Variants in LIMCH1 observed in about 807,000 individuals in gnomAD.
LIMCH1 encodes LIM and calponin homology domains-containing protein 1.
A neutral mutation model predicts 176.5 loss-of-function variants in LIMCH1; 113 were observed. That is an observed-to-expected ratio of 0.64 (90% CI 0.55 to 0.75). The LOEUF (loss-of-function observed/expected upper bound fraction) is 0.75. Among genes scored for constraint, LIMCH1 ranks in the 30% least tolerant of loss-of-function variants. The pLI is 0.00. For missense variants in LIMCH1, 1,674 were observed against 1,814.9 expected, an observed-to-expected ratio of 0.92 and a Z score of 1.41; for synonymous variants, 619 against 645.9, an observed-to-expected ratio of 0.96 and a Z score of 0.63.
Position 41,508,333 on chromosome 4 carries a change from C to T in LIMCH1, c.167+13727C>T, listed in dbSNP as rs529967661. 2.0e-5 allele frequency among the ~76,000 whole-genome samples: 3 copies of T among 152,264 alleles called. No homozygotes were observed. In the South Asian group the frequency reaches 6.2e-4, roughly 32 times the overall value. On this transcript the variant is annotated intron_variant, in intron 2 of 26. Transcript: ENST00000313860. Reference sequence around the variant, plus strand: ...AAGACAAAAAATAATTTTGGTGTTTCAGTTGAGTGGGGTCCTGATACAAGC... The same window carrying T: ...AAGACAAAAAATAATTTTGGTGTTTTAGTTGAGTGGGGTCCTGATACAAGC...
chr4:41,491,893 G>A (rs2071114329), intron 1 of LIMCH1, among the ~76,000 whole-genome samples: 1 of 151,236 alleles, frequency 6.6e-6, no homozygotes, highest in African/African-American at 2.4e-5. Context: ...GGGGCAGCCG[G>A]GCAGAGGCAC....
rs866310244 is a variant in LIMCH1, at chr4:41,495,195, T to C, written c.167+589T>C. The stretch of plus-strand genomic sequence containing the variant: ...AAAATAAGCAGAGCCTTCGTACTTA[T>C]AAAGACATATATTTCAAGATTTATG... On this transcript the variant is annotated intron_variant, in intron 2 of 26. Coordinates refer to the LIMCH1 transcript ENST00000313860. Among the ~76,000 whole-genome samples the C allele has an allele frequency of 2.0e-5, 3 of 152,352 alleles. No individual in the cohort carries two copies. The South Asian group carries it at 6.2e-4, about 32-fold the overall frequency.
In LIMCH1 at chr4:41,631,233, C is replaced by T. The variant is rs1054578972; in HGVS notation, c.1357C>T (p.Arg453Cys). The change falls in exon 10 of 32, where the codon CGC becomes TGC. Residue 453 changes from arginine (R) to cysteine (C), a missense_variant. By Grantham distance (180) the Arg-to-Cys change is radical. Around this residue, in one of 3 missense-constraint regions of LIMCH1, gnomAD observed 655 missense variants for 692.2 expected, o/e 0.95. Coordinates refer to ENST00000503057, the MANE Select transcript of LIMCH1 (RefSeq NM_001330672.2). ...ETAIRDDFAN[R>C]KARASKKASS... ...TGCCATTCGTGATGACTTTGCCAAC[C>T]GCAAAGCAAGGGCCTCTAAGAAAGC... 8.5e-6 allele frequency: 13 copies of T among 1,535,956 alleles called. No individual in the cohort carries two copies. In the Admixed American group the frequency reaches 9.8e-5, roughly 12 times the overall value.
At chr4:41,593,173 C>A (rs2087977089) in intron 1 of LIMCH1, among the ~76,000 whole-genome samples, 1 of 152,148 alleles carries the variant, frequency 6.6e-6, no homozygotes, top group Non-Finnish European at 1.5e-5. Flanking sequence ...AGGTCTTACC[C>A]ATAGCCCTTG....
chr4:41,605,390 C>T (rs2090556508), intron 3 of LIMCH1, among the ~76,000 whole-genome samples: 1 of 152,130 alleles, frequency 6.6e-6, no homozygotes, highest in African/African-American at 2.4e-5. Flanking sequence ...GTGCTGGGAA[C>T]CACTAATTAA....
rs546621520 is a variant in LIMCH1 at position 41,633,110 on chromosome 4, T to C, written c.1829+25T>C. 8.8e-6 allele frequency: 13 copies of C among 1,480,524 alleles called. No individual in the cohort carries two copies. The East Asian group carries it at 3.0e-4, about 34-fold the overall frequency. 91.7% of individuals were successfully genotyped at this position (1,480,524 alleles called of 1,614,324 possible). A position where few individuals can be genotyped will look rare whatever the true frequency, so the allele number is the denominator to read the frequency against. ...TGTGAGCATCTTGCCTGCGCTCTGC[T>C]CCGTGGTGTGTTGCCCCTGCTGTGT... On this transcript the variant is annotated intron_variant, in intron 12 of 31. Transcript: ENST00000503057.
intron 18 of LIMCH1, among the ~76,000 whole-genome samples, chr4:41,651,157 C>A (rs2094282014): frequency 6.6e-6 from 1 of 152,176 alleles, no homozygotes; most frequent in Non-Finnish European, 1.5e-5. Flanking sequence ...CAGGCATGCA[C>A]AAGTGCACCC....
chr4:41,516,223 G>A (rs1413866948), intron 2 of LIMCH1, among the ~76,000 whole-genome samples: 1 of 152,114 alleles, frequency 6.6e-6, no homozygotes, highest in Non-Finnish European at 1.5e-5. Flanking sequence ...GCATTTGGAG[G>A]GCATCCTGTG....
intron 1 of LIMCH1, among the ~76,000 whole-genome samples, chr4:41,424,406 C>A (rs1370268477): frequency 6.6e-6 from 1 of 152,216 alleles, no homozygotes; most frequent in Non-Finnish European, 1.5e-5. Flanking sequence ...TTCTTATTGG[C>A]TGCTTAAAGT....
intron 21 of LIMCH1, among the ~76,000 whole-genome samples, chr4:41,667,550 CGTG>C (rs1486136445): frequency 1.3e-5 from 2 of 152,092 alleles, no homozygotes; most frequent in Admixed American, 6.6e-5. Flanking sequence ...CCTCTAGAAA[CGTG>C]GGCATTTAGG....
chr4:41,548,505 T>G (rs1466661171), intron 1 of LIMCH1, among the ~76,000 whole-genome samples: 2 of 152,220 alleles, frequency 1.3e-5, no homozygotes, highest in East Asian at 3.8e-4. Flanking sequence ...TGGGCTGTTT[T>G]GTTTGATTAA....
chr4:41,527,613 A>G (rs911071735), intron 3 of LIMCH1, among the ~76,000 whole-genome samples: 1 of 152,124 alleles, frequency 6.6e-6, no homozygotes, highest in African/African-American at 2.4e-5. Flanking sequence ...AGGCGGGCGG[A>G]TCACGATGTC....
intron 1 of LIMCH1, among the ~76,000 whole-genome samples, chr4:41,475,435 A>T (rs2067580398): frequency 6.6e-6 from 1 of 152,096 alleles, no homozygotes; most frequent in East Asian, 1.9e-4. Context: ...ATGACTGGGG[A>T]GAAGGGATTG....
intron 2 of LIMCH1, among the ~76,000 whole-genome samples, chr4:41,497,747 G>A (rs1224433519): frequency 4.0e-5 from 6 of 151,638 alleles, no homozygotes; most frequent in Admixed American, 1.3e-4. Context: ...GGAGGTTGCA[G>A]TGAGCTGGGA....
chr4:41,697,331 C>G lies in LIMCH1; in HGVS notation c.*146C>G. The stretch of plus-strand genomic sequence containing the variant: ...TTCTGAAAGGTGGTATCTGTTCTTT[C>G]GTAGCACAGTGTTTATGTTTTTCCT... On this transcript the variant is annotated 3_prime_UTR_variant, in exon 32 of 32. Coordinates refer to ENST00000503057, the MANE Select transcript of LIMCH1 (RefSeq NM_001330672.2). 2 of 658,630 alleles carry G rather than the reference C, an allele frequency of 3.0e-6. No individual in the cohort carries two copies. The highest frequency in any genetic ancestry group is 2.1e-5 in the South Asian group (1 of 48,028). 40.8% of individuals were successfully genotyped at this position (658,630 alleles called of 1,614,324 possible).
intron 1 of LIMCH1, among the ~76,000 whole-genome samples, chr4:41,424,909 A>G (rs2060933631): frequency 6.6e-6 from 1 of 152,190 alleles, no homozygotes; most frequent in African/African-American, 2.4e-5. Context: ...CAAAGAGAAA[A>G]TCAGAAGGAA....
At chr4:41,582,006 A>G (rs879721577) in intron 1 of LIMCH1, among the ~76,000 whole-genome samples, 1 of 152,128 alleles carries the variant, frequency 6.6e-6, no homozygotes, top group Non-Finnish European at 1.5e-5. Flanking sequence ...TTATCCGTTC[A>G]TCCATTGAAG....
chr4:41,425,577 C>A (rs1167999917), intron 1 of LIMCH1, among the ~76,000 whole-genome samples: 2 of 152,164 alleles, frequency 1.3e-5, no homozygotes, highest in Non-Finnish European at 2.9e-5. Context: ...GAACTCCTGA[C>A]CTCGGGTTAT....
At position 41,613,041 on chromosome 4, in the gene LIMCH1, A is replaced by G. The variant is rs1262399277; in HGVS notation, c.10-425A>G. 4.5e-6 allele frequency: 7 copies of G among 1,552,070 alleles called. No homozygotes were observed. The East Asian group carries it at 1.7e-4, about 38-fold the overall frequency. On this transcript the variant is annotated intron_variant, in intron 4 of 31. Coordinates refer to ENST00000503057, the MANE Select transcript of LIMCH1 (RefSeq NM_001330672.2). Reference sequence around the variant, plus strand: ...ACAGGAGCAAAAGTTGCACAGCTAAACCAGGGGCTCATTCCCAGGACAGAC... The same window carrying G: ...ACAGGAGCAAAAGTTGCACAGCTAAGCCAGGGGCTCATTCCCAGGACAGAC...
Sources: gnomAD v4.1 joint callset for allele counts (sites outside exome capture counted in the v4.1 genomes callset) on GRCh38, gnomAD v4.1.1 for gene constraint, gnomAD v4.1.1 regional missense constraint, MANE v1.5 for transcripts, NCBI Gene and HGNC (gene_info 2026-07-23, HGNC 2026-07-21) for gene names.